TUBA3C: variants seen among roughly 807,000 people sequenced by gnomAD.
TUBA3C encodes the protein tubulin alpha-3C chain.
TUBA3C carries 23 observed loss-of-function variants against 33.4 expected under a neutral mutation model. That is an observed-to-expected ratio of 0.69 (90% CI 0.50 to 0.98). The LOEUF (loss-of-function observed/expected upper bound fraction) is 0.98, where lower values mean the gene tolerates loss of function less well. Among genes scored for constraint, TUBA3C ranks in the 50% least tolerant of loss-of-function variants. TUBA3C has a pLI of 0.00. For synonymous variants in TUBA3C, 269 were observed against 250.4 expected (o/e 1.07, Z -0.70); for missense variants, 402 against 616.0 (o/e 0.65, Z 3.68).
intron 1 of TUBA3C, 72 bp from the exon 2 acceptor site, chr13:19,179,635 T>G: frequency 6.7e-7 from 1 of 1,486,558 alleles, no homozygotes; most frequent in South Asian, 1.4e-5. Flanking sequence ...TGCAAAATAT[T>G]ATAATTTAAT....
At chr13:19,179,767 CCA>C (rs776264781) in intron 1 of TUBA3C, among the ~76,000 whole-genome samples, 7 of 152,138 alleles carry the variant, frequency 4.6e-5, no homozygotes, top group Non-Finnish European at 7.4e-5. Context: ...CTGCTAAGTT[CCA>C]GAGGTAGCCC....
intron 1 of TUBA3C, among the ~76,000 whole-genome samples, chr13:19,180,295 G>A (rs545684883): frequency 2.6e-4 from 39 of 152,002 alleles, no homozygotes; most frequent in African/African-American, 6.7e-4. Context: ...TCAATTTTTC[G>A]TAAGCACTCC....
intron 4 of TUBA3C, among the ~76,000 whole-genome samples, chr13:19,174,991 G>A (rs865924250): frequency 2.0e-5 from 3 of 152,156 alleles, no homozygotes; most frequent in Non-Finnish European, 4.4e-5. Context: ...ACCCACACCT[G>A]TAATCCCAGC....
chr13:19,179,296 T>G (rs1353173003), intron 2 of TUBA3C, 45 bp downstream of exon 2: 5 of 1,610,582 alleles, frequency 3.1e-6, no homozygotes, highest in Non-Finnish European at 4.2e-6. Flanking sequence ...GACGATGCTC[T>G]CCCACCCTCC....
Position 19,177,271 on chromosome 13 carries a change from T to C in TUBA3C, c.712A>G (p.Ile238Val). 1.2e-6 allele frequency: 2 copies of C among 1,614,058 alleles called. No individual in the cohort carries two copies. Among genetic ancestry groups the C allele is most frequent in the South Asian group, 2.2e-5 (2 of 91,074 alleles). ...CCGTCAAATCGCAGGGAGGCCGTGA[T>C]GGAGGACACGATCTGCCCAATCAGG... ...NRLIGQIVSSITASLRFDGAL... is the reference protein window; with the variant it reads ...NRLIGQIVSSVTASLRFDGAL... Residue 238 changes from isoleucine (I) to valine (V), a missense_variant, in exon 4 of 5, where the codon ATC becomes GTC. By Grantham distance (29) the Ile-to-Val change is conservative. Transcript: ENST00000400113. This position sits in a 1 kb window ranked among gnomAD's most constrained non-coding sequence, Gnocchi z 5.0.
At position 19,177,878 on chromosome 13, in the gene TUBA3C, A is replaced by T; in HGVS notation, c.376-271T>A. Among the ~76,000 whole-genome samples, 1 of 139,586 alleles carries T rather than the reference A, an allele frequency of 7.2e-6. No individual in the cohort carries two copies. The highest frequency in any genetic ancestry group is 2.1e-4 in the East Asian group (1 of 4,808). 91.6% of individuals were successfully genotyped at this position (139,586 alleles called of 152,430 possible). A position where few individuals can be genotyped will look rare whatever the true frequency, so the allele number is the denominator to read the frequency against. Reference sequence around the variant, plus strand: ...TTTTTTTTTTTTTAGATAGAATCTCACTCTGTTGCCCAGGCCGGAGGGCAG... The same window carrying T: ...TTTTTTTTTTTTTAGATAGAATCTCTCTCTGTTGCCCAGGCCGGAGGGCAG... On this transcript the variant is annotated intron_variant, in intron 3 of 4. Coordinates refer to ENST00000400113, the MANE Select transcript of TUBA3C (RefSeq NM_006001.3). This position sits in a 1 kb window ranked among gnomAD's most constrained non-coding sequence, Gnocchi z 5.0.
intron 4 of TUBA3C, among the ~76,000 whole-genome samples, chr13:19,176,554 G>C (rs900203988): frequency 1.3e-5 from 2 of 151,804 alleles, no homozygotes; most frequent in African/African-American, 4.8e-5. Context: ...AGGAGTTCAA[G>C]ACCAGCCTGG....
chr13:19,178,090 C>A (rs1869265772), intron 3 of TUBA3C, among the ~76,000 whole-genome samples, 156 bp downstream of exon 3: 1 of 152,180 alleles, frequency 6.6e-6, no homozygotes, highest in Admixed American at 6.5e-5. Context: ...CAGGTGACTG[C>A]CCACCTTGGC....
chr13:19,180,318 C>T (rs2138958953), intron 1 of TUBA3C, among the ~76,000 whole-genome samples: 1 of 152,202 alleles, frequency 6.6e-6, no homozygotes, highest in East Asian at 1.9e-4. Flanking sequence ...CCCCTCTACC[C>T]CTTGAAGCCT....
chr13:19,176,827 G>C (rs1869202199), intron 4 of TUBA3C, 100 bp downstream of exon 4: 1 of 1,419,196 alleles, frequency 7.0e-7, no homozygotes, highest in Non-Finnish European at 9.6e-7. Context: ...CATGGAATAG[G>C]GGTAGTATCC....
chr13:19,174,179 A>C lies in TUBA3C; in HGVS notation c.1057-20T>G. On this transcript the variant is annotated intron_variant, in intron 4 of 4. Transcript: ENST00000400113. ...GCCCACCTGCCGGAGAAGAGGAAGA[A>C]ACAGTCCATGAAGCTTATATCAAAC... is the stretch of plus-strand genomic sequence containing the variant. 1 of 1,603,620 alleles carries C rather than the reference A, an allele frequency of 6.2e-7. No individual in the cohort carries two copies.
In TUBA3C at chr13:19,178,297, GT is replaced by G; in HGVS notation, c.323del (p.Tyr108SerfsTer60). 3 of 1,614,230 alleles carry G rather than the reference GT, an allele frequency of 1.9e-6. No individual in the cohort carries two copies. Among genetic ancestry groups the G allele is most frequent in the Non-Finnish European group, 2.5e-6 (3 of 1,180,046 alleles). ...DAANNYARGHYTIGKEIVDLV... is the reference protein window; with the variant it reads ...DAANNYARGHXTIGKEIVDLV... ...GGTCGACGATCTCCTTGCCGATGGT[GT>G]AATGGCCTCTGGCGTAATTATTGGC... is the stretch of plus-strand genomic sequence containing the variant. On this transcript the variant is annotated frameshift_variant, in exon 3 of 5. Coordinates refer to ENST00000400113, the MANE Select transcript of TUBA3C (RefSeq NM_006001.3). LOFTEE classifies it high-confidence loss of function.
Position 19,181,616 on chromosome 13 carries a change from G to C in TUBA3C, c.3+129C>G, listed in dbSNP as rs577329980. The C allele has an allele frequency of 3.0e-6, 4 of 1,346,682 alleles. No individual in the cohort carries two copies. The East Asian group carries it at 9.6e-5, about 32-fold the overall frequency. The allele number at this position is 1,346,682 out of a possible 1,614,324, so 83.4% of individuals were successfully genotyped here. On this transcript the variant is annotated intron_variant, in intron 1 of 4. Transcript: ENST00000400113. ...GTCCTCGTGTCCCGCCCTGGGCCCC[G>C]CATCCTTCTCTGACCTCCTTTCTGC...
rs1277938130 is a variant in TUBA3C at position 19,177,074 on chromosome 13, G to A, written c.909C>T (p.Val303=). The A allele has an allele frequency of 1.2e-6, 2 of 1,614,158 alleles. No homozygotes were observed. Among genetic ancestry groups the A allele is most frequent in the Non-Finnish European group, 1.7e-6 (2 of 1,180,044 alleles). ...ACTTGCCGTGGCGAGGGTCACACTT[G>A]ACCATCTGATTGGCTGGCTCGAAGC... ...NACFEPANQM[V]KCDPRHGKYM... is the part of the protein sequence containing the mutation. Residue 303 remains valine (V), a synonymous_variant, in exon 4 of 5, where the codon GTC becomes GTT. Transcript: ENST00000400113. The surrounding 1 kb of genome is among the most constrained non-coding windows in gnomAD (Gnocchi z 5.0).
intron 1 of TUBA3C, among the ~76,000 whole-genome samples, chr13:19,181,418 C>T (rs963113206): frequency 5.3e-5 from 8 of 152,108 alleles, no homozygotes; most frequent in Non-Finnish European, 8.8e-5. Context: ...ATTTGGAGAC[C>T]GGAAAGCGGG....
intron 1 of TUBA3C, 59 bp from the exon 2 acceptor site, chr13:19,179,622 G>T: frequency 6.4e-7 from 1 of 1,557,118 alleles, no homozygotes. Flanking sequence ...AAGCTATATG[G>T]TATGCAAAAT....
chr13:19,176,810 C>G, intron 4 of TUBA3C, 117 bp downstream of exon 4: 1 of 1,189,338 alleles, frequency 8.4e-7, no homozygotes, highest in East Asian at 3.0e-5. Context: ...TGCCCACATG[C>G]CTAGCCCATG....
intron 1 of TUBA3C, 78 bp from the exon 2 acceptor site, chr13:19,179,641 T>TA: frequency 2.7e-6 from 4 of 1,456,988 alleles, no homozygotes; most frequent in Non-Finnish European, 2.8e-6. Context: ...ATATTATAAT[T>TA]TAATATTTAT....
At position 19,177,019 on chromosome 13, in the gene TUBA3C, C is replaced by T. The variant is rs554935595; in HGVS notation, c.964G>A (p.Asp322Asn). 5.0e-6 allele frequency: 8 copies of T among 1,614,068 alleles called. No homozygotes were observed. Among genetic ancestry groups the T allele is most frequent in the African/African-American group, 1.3e-5 (1 of 74,984 alleles). The change falls in exon 4 of 5, where the codon GAT becomes AAT. Residue 322 changes from aspartate to asparagine, a missense_variant. Physicochemically the swap from Asp to Asn is conservative, Grantham distance 23. Transcript: ENST00000400113. The surrounding 1 kb of genome is among the most constrained non-coding windows in gnomAD (Gnocchi z 5.0). ...GCGTTGACATCTTTCGGGACCACAT[C>T]CCCCCTGTACAACATGCAGCAGGCC... ...YMACCMLYRG[D>N]VVPKDVNAAI... is the part of the protein sequence containing the mutation.
Sources: gnomAD v4.1 joint callset for allele counts (sites outside exome capture counted in the v4.1 genomes callset) on GRCh38, gnomAD v4.1.1 for gene constraint, Gnocchi (gnomAD v3.1) non-coding constraint, MANE v1.5 for transcripts, NCBI Gene and HGNC (gene_info 2026-07-23, HGNC 2026-07-21) for gene names.